ITGA7: variants seen among roughly 807,000 people sequenced by gnomAD.
ITGA7 encodes the protein integrin subunit alpha 7.
In ITGA7, 84 loss-of-function variants were observed where a neutral mutation model predicts 131.6. That is an observed-to-expected ratio of 0.64 (90% CI 0.54 to 0.77). The LOEUF (loss-of-function observed/expected upper bound fraction) is 0.77, where lower values mean the gene tolerates loss of function less well. Among genes scored for constraint, ITGA7 ranks in the 30% least tolerant of loss-of-function variants. The pLI, the probability that ITGA7 is intolerant of heterozygous loss-of-function variation, is 0.00. For missense variants in ITGA7, 1,399 were observed against 1,482.9 expected, an observed-to-expected ratio of 0.94 and a Z score of 0.93; for synonymous variants, 548 against 600.7, an observed-to-expected ratio of 0.91 and a Z score of 1.28.
At chr12:55,687,864 G>T in intron 24 of ITGA7, 107 bp downstream of exon 24, 2 of 1,459,010 alleles carry the variant, frequency 1.4e-6, no homozygotes, top group Non-Finnish European at 1.9e-6. Flanking sequence ...GTTCAGTGCA[G>T]ATTTGCTGAA....
intron 24 of ITGA7, chr12:55,686,312 A>C (rs1372106628): frequency 7.5e-7 from 1 of 1,334,368 alleles, no homozygotes; most frequent in South Asian, 1.2e-5. Flanking sequence ...GGAAGAAGCC[A>C]CACTAGGATG....
Position 55,702,329 on chromosome 12 carries a change from C to T in ITGA7, c.414+543G>A, listed in dbSNP as rs927468293. ...CTGAGTAGCTGGGACTACAGGCGCC[C>T]GCCACCACGCCCGGCTAATTTTTTG... On this transcript the variant is annotated intron_variant, in intron 3 of 24. Coordinates refer to ENST00000257879, the MANE Select transcript of ITGA7 (RefSeq NM_002206.3). Among the ~76,000 whole-genome samples, 51 of 152,128 alleles carry T rather than the reference C, an allele frequency of 3.4e-4. 1 individual carries two copies. Among genetic ancestry groups the T allele is most frequent in the Non-Finnish European group, 5.7e-4 (39 of 68,012 alleles).
intron 4 of ITGA7, 168 bp from the exon 5 acceptor site, chr12:55,700,157 A>G: frequency 7.0e-7 from 1 of 1,430,964 alleles, no homozygotes; most frequent in Non-Finnish European, 9.6e-7. Flanking sequence ...GAGAGAGACA[A>G]GGTGAGAGAC....
At chr12:55,710,948 G>A (rs1338258804), upstream of ITGA7, among the ~76,000 whole-genome samples, 1 of 152,080 alleles carries the variant, frequency 6.6e-6, no homozygotes, top group Non-Finnish European at 1.5e-5. Context: ...TGATTGTGGT[G>A]GTGATTATCC....
chr12:55,698,668 G>C (rs1873216205), intron 6 of ITGA7, 42 bp downstream of exon 6: 1 of 1,612,134 alleles, frequency 6.2e-7, no homozygotes, highest in African/African-American at 1.3e-5. Context: ...GGGGCTACTA[G>C]ACCCAGCCTC....
chr12:55,698,077 A>T, intron 7 of ITGA7, 51 bp from the exon 8 acceptor site: 1 of 1,543,566 alleles, frequency 6.5e-7, no homozygotes, highest in Non-Finnish European at 9.0e-7. Context: ...CCTTGCAGAC[A>T]AGATCCAGGC....
intron 24 of ITGA7, among the ~76,000 whole-genome samples, chr12:55,687,149 A>G (rs926640724): frequency 6.7e-6 from 1 of 150,020 alleles, no homozygotes; most frequent in Non-Finnish European, 1.5e-5. Context: ...ATCCCTGAGA[A>G]CGAGATCTGC....
chr12:55,708,932 G>A (rs1455053918), upstream of ITGA7, among the ~76,000 whole-genome samples: 4 of 152,062 alleles, frequency 2.6e-5, no homozygotes, highest in African/African-American at 9.7e-5. Flanking sequence ...GGGGGTGGGG[G>A]GACACTTTCC....
intron 21 of ITGA7, among the ~76,000 whole-genome samples, chr12:55,692,254 T>C (rs974619662): frequency 1.3e-5 from 2 of 152,110 alleles, no homozygotes; most frequent in East Asian, 3.9e-4. Flanking sequence ...CCGTCTCTAC[T>C]AAAAATACAA....
chr12:55,702,957 G>A lies in ITGA7; in HGVS notation c.335-6C>T. ...GCTTTCCTTTTGCATATCAGCTAGA[G>A]GCAGGACACTGGGAATTAGGGGAGG... On this transcript the variant is annotated splice_polypyrimidine_tract_variant and splice_region_variant and intron_variant, in intron 2 of 24. Coordinates refer to ENST00000257879, the MANE Select transcript of ITGA7 (RefSeq NM_002206.3). The A allele has an allele frequency of 6.2e-7, 1 of 1,613,168 alleles. No homozygotes were observed. Among genetic ancestry groups the A allele is most frequent in the East Asian group, 2.2e-5 (1 of 44,864 alleles).
intron 2 of ITGA7, 27 bp downstream of exon 2, chr12:55,703,024 C>T (rs760031144): frequency 2.5e-6 from 4 of 1,613,902 alleles, no homozygotes; most frequent in East Asian, 4.5e-5. Context: ...CACACGCTTC[C>T]CCCACTCTGT....
upstream of ITGA7, among the ~76,000 whole-genome samples, chr12:55,709,956 A>G (rs1875917707): frequency 6.6e-6 from 1 of 152,230 alleles, no homozygotes; most frequent in African/African-American, 2.4e-5. Flanking sequence ...GGAACACACA[A>G]GAGCGTGCTA....
In ITGA7 at chr12:55,694,781, A is replaced by G; in HGVS notation, c.2193T>C (p.Pro731=). 6.2e-7 allele frequency: 1 copy of G among 1,613,334 alleles called. No individual in the cohort carries two copies. The highest frequency in any genetic ancestry group is 1.3e-5 in the African/African-American group (1 of 74,720). Reference sequence around the variant, plus strand: ...CATCCTGCCCCCAGGTCCTCACCGCAGGGTCCAGGGCCCGGACCCCTGAGT... The same window carrying G: ...CATCCTGCCCCCAGGTCCTCACCGCGGGGTCCAGGGCCCGGACCCCTGAGT... ...LHYSGVRALD[P]AEKPLCLSNE... The change falls in exon 15 of 25, where the codon CCT becomes CCC. Residue 731 remains proline, a synonymous_variant. Coordinates refer to ENST00000257879, the MANE Select transcript of ITGA7 (RefSeq NM_002206.3). This position sits in a 1 kb window ranked among gnomAD's most constrained non-coding sequence, Gnocchi z 5.3.
upstream of ITGA7, chr12:55,711,952 G>A (rs1876156926): frequency 5.8e-6 from 5 of 859,366 alleles, no homozygotes; most frequent in Non-Finnish European, 7.7e-6. Context: ...ACACTTCAGG[G>A]CTAACTTCTC....
intron 3 of ITGA7, 130 bp from the exon 4 acceptor site, chr12:55,701,284 TAC>T: frequency 3.2e-6 from 5 of 1,552,872 alleles, no homozygotes; most frequent in Non-Finnish European, 4.4e-6. Context: ...CATGCACACA[TAC>T]ACACACACCC....
In ITGA7 at chr12:55,698,876, C is replaced by G. The variant is rs756511433; in HGVS notation, c.832G>C (p.Glu278Gln). The change falls in exon 6 of 25, where the codon GAG becomes CAG. Residue 278 changes from glutamate (E) to glutamine (Q), a missense_variant. Transcript: ENST00000257879. ...DSGKGLVRAE[E>Q]LSFVAGAPRA... Reference sequence around the variant, plus strand: ...GGGGCTCCAGCCACAAAGCTCAGCTCTTCTGCACGCACCAGACCTTTCCCC... The same window carrying G: ...GGGGCTCCAGCCACAAAGCTCAGCTGTTCTGCACGCACCAGACCTTTCCCC... 2.8e-5 allele frequency: 45 copies of G among 1,613,756 alleles called. No individual in the cohort carries two copies. In the South Asian group the frequency reaches 4.9e-4, roughly 18 times the overall value.
chr12:55,707,987 C>A, upstream of ITGA7: 1 of 1,270,340 alleles, frequency 7.9e-7, no homozygotes, highest in South Asian at 1.7e-5. Context: ...AGGTGGAGAC[C>A]CAAGCCCGTC....
upstream of ITGA7, chr12:55,708,009 G>C: frequency 8.2e-7 from 1 of 1,214,112 alleles, no homozygotes; most frequent in Non-Finnish European, 1.0e-6. Flanking sequence ...CCAAGGGGAT[G>C]CCCAGGCTGG....
At chr12:55,714,497 G>A (rs1196195799), upstream of ITGA7, among the ~76,000 whole-genome samples, 3 of 143,476 alleles carry the variant, frequency 2.1e-5, no homozygotes, top group African/African-American at 8.3e-5. Flanking sequence ...CAGCCTGGGC[G>A]ACAGAGCGAG....
Sources: allele counts gnomAD v4.1 joint callset (sites outside exome capture counted in the v4.1 genomes callset), GRCh38; gene constraint gnomAD v4.1.1; non-coding constraint Gnocchi (gnomAD v3.1); transcripts MANE v1.5; gene names NCBI Gene and HGNC (gene_info 2026-07-23, HGNC 2026-07-21).